The following RGS3 variants were observed in gnomAD, a reference collection of about 807,000 sequenced individuals.
RGS3 encodes regulator of G protein signaling 3.
In RGS3, 80 loss-of-function variants were observed where a neutral mutation model predicts 132.6. The observed-to-expected ratio is 0.60, with a 90% CI of 0.50 to 0.73. The LOEUF is 0.73. Ranked by LOEUF, RGS3 falls within the 30% of genes least tolerant of loss-of-function variation. The pLI is 0.00. For missense variants in RGS3, 1,382 were observed against 1,530.8 expected (o/e 0.90, Z 1.62); for synonymous variants, 598 against 620.6 (o/e 0.96, Z 0.54).
At chr9:113,522,948 T>G (rs757933459) in exon 17 of RGS3, 2 of 1,613,704 alleles carry the variant, frequency 1.2e-6, no homozygotes. Flanking sequence ...GTTTGCCTAT[T>G]CGGACCTGCT....
chr9:113,582,744 G>A (rs1355353501), intron 19 of RGS3: 2 of 152,256 alleles, frequency 1.3e-5, no homozygotes, highest in Non-Finnish European at 2.9e-5. Context: ...GAGATGCTGT[G>A]TTTTTTGAGG....
At chr9:113,538,698 T>G (rs1832782408) in intron 19 of RGS3, among the ~76,000 whole-genome samples, 1 of 152,176 alleles carries the variant, frequency 6.6e-6, no homozygotes, top group Admixed American at 6.5e-5. Flanking sequence ...CACACTAGAA[T>G]GTATGGGAAT....
intron 14 of RGS3, among the ~76,000 whole-genome samples, chr9:113,513,230 G>A (rs1033164458): frequency 4.6e-5 from 7 of 152,136 alleles, no homozygotes; most frequent in Admixed American, 4.6e-4. Context: ...ACAAAAACGT[G>A]TGCACCACCC....
intron 1 of RGS3, among the ~76,000 whole-genome samples, chr9:113,452,836 T>C (rs1162611858): frequency 6.8e-6 from 1 of 147,944 alleles, no homozygotes; most frequent in East Asian, 1.9e-4. Context: ...CCACCTTTTG[T>C]GTTTTTTATC....
At chr9:113,465,256 T>C (rs1275519154) in intron 3 of RGS3, among the ~76,000 whole-genome samples, 3 of 152,166 alleles carry the variant, frequency 2.0e-5, no homozygotes, top group African/African-American at 7.2e-5. Flanking sequence ...ACCTTAGCTG[T>C]GTCCTGATTA....
exon 20 of RGS3, chr9:113,584,179 C>G: frequency 6.2e-7 from 1 of 1,614,218 alleles, no homozygotes; most frequent in Non-Finnish European, 8.5e-7. Context: ...CGAGACGGGC[C>G]AGGGGGCTGA....
chr9:113,445,825 T>C (rs1278822145), intron 1 of RGS3, among the ~76,000 whole-genome samples: 2 of 152,106 alleles, frequency 1.3e-5, no homozygotes, highest in Admixed American at 6.5e-5. Context: ...TTTACAGTCA[T>C]GTGCCACCAA....
chr9:113,502,840 C>T (rs745998889), intron 10 of RGS3, among the ~76,000 whole-genome samples: 6 of 152,208 alleles, frequency 3.9e-5, no homozygotes, highest in Non-Finnish European at 8.8e-5. Context: ...AGCTCTGTTC[C>T]TCTTTAGCTG....
Position 113,455,206 on chromosome 9 carries a change from T to A in RGS3, c.-12-5039T>A, listed in dbSNP as rs542830955. ...GTCCTTCGTTGCCTGATGTACAATATCTTAAAAACCATTGTTTCATATATT... is the reference window on the plus strand; with the variant it reads ...GTCCTTCGTTGCCTGATGTACAATAACTTAAAAACCATTGTTTCATATATT... On this transcript the variant is annotated intron_variant, in intron 1 of 25. Coordinates refer to the RGS3 transcript ENST00000374140. Among the ~76,000 whole-genome samples the A allele has an allele frequency of 2.0e-5, 3 of 152,370 alleles. No homozygotes were observed. In the South Asian group the frequency reaches 6.2e-4, roughly 32 times the overall value.
At position 113,591,374 on chromosome 9, in the gene RGS3, C is replaced by G; in HGVS notation, c.3057C>G (p.Ser1019=). 22 of 1,613,672 alleles carry G rather than the reference C, an allele frequency of 1.4e-5. No individual in the cohort carries two copies. Among genetic ancestry groups the G allele is most frequent in the Non-Finnish European group, 1.8e-5 (21 of 1,179,962 alleles). Residue 1019 remains serine, a synonymous_variant, in exon 21 of 25, where the codon TCC becomes TCG. Coordinates refer to ENST00000350696, the Ensembl canonical transcript of RGS3. This position sits in a 1 kb window ranked among gnomAD's most constrained non-coding sequence, Gnocchi z 4.4. ...CCGTTGGGGATGATGACGAAGCCTC[C>G]CGGAAGAGAAAGAGCAAAAACCTGT...
intron 7 of RGS3, among the ~76,000 whole-genome samples, chr9:113,486,797 C>T (rs1026967657): frequency 4.6e-5 from 7 of 152,136 alleles, no homozygotes; most frequent in African/African-American, 7.2e-5. Flanking sequence ...TTTTTAAAAT[C>T]GGGGTGTATT....
intron 3 of RGS3, among the ~76,000 whole-genome samples, chr9:113,468,337 C>G (rs149178275): frequency 1.3e-5 from 2 of 152,248 alleles, no homozygotes; most frequent in African/African-American, 4.8e-5. Context: ...ATCTTGGTAC[C>G]TTTACTGAAA....
chr9:113,455,197 TG>T (rs1400274264), intron 1 of RGS3, among the ~76,000 whole-genome samples: 1 of 152,266 alleles, frequency 6.6e-6, no homozygotes, highest in Non-Finnish European at 1.5e-5. Flanking sequence ...CGTTGCCTGA[TG>T]TACAATATCT....
At chr9:113,584,095 G>A (rs968399323) in exon 20 of RGS3, 3 of 1,614,110 alleles carry the variant, frequency 1.9e-6, no homozygotes, top group African/African-American at 2.7e-5. Context: ...GGAGGAAGGG[G>A]AGGAGGACGA....
chr9:113,477,097 G>A (rs1183663325), intron 3 of RGS3, among the ~76,000 whole-genome samples: 1 of 152,096 alleles, frequency 6.6e-6, no homozygotes, highest in Admixed American at 6.6e-5. Context: ...GCTCTAGGAA[G>A]CCACAATGAA....
chr9:113,535,021 A>G (rs1391752005), intron 18 of RGS3, among the ~76,000 whole-genome samples: 1 of 152,210 alleles, frequency 6.6e-6, no homozygotes, highest in Non-Finnish European at 1.5e-5. Flanking sequence ...GTTTATTTGT[A>G]TAAATAACAA....
In RGS3 at chr9:113,537,287, G is replaced by A. The variant is rs541549884; in HGVS notation, c.2037+369G>A. Reference sequence around the variant, plus strand: ...CTGTGCCTGGGGGCAGCACACTGGTGTTTAACATTGGCCCCAGGCGGATGC... The same window carrying A: ...CTGTGCCTGGGGGCAGCACACTGGTATTTAACATTGGCCCCAGGCGGATGC... On this transcript the variant is annotated intron_variant, in intron 19 of 24. Coordinates refer to ENST00000350696, the Ensembl canonical transcript of RGS3. The surrounding 1 kb of genome is among the most constrained non-coding windows in gnomAD (Gnocchi z 4.3). Among the ~76,000 whole-genome samples the A allele has an allele frequency of 6.6e-6, 1 of 152,352 alleles. No individual in the cohort carries two copies. The highest frequency in any genetic ancestry group is 1.5e-5 in the Non-Finnish European group (1 of 68,040).
In RGS3 at chr9:113,495,677, A is replaced by C. The variant is rs1564484871; in HGVS notation, c.690-109A>C. 5 of 859,922 alleles carry C rather than the reference A, an allele frequency of 5.8e-6. No homozygotes were observed. The East Asian group carries it at 1.2e-4, about 21-fold the overall frequency. The allele number at this position is 859,922 out of a possible 1,614,324, so 53.3% of individuals were successfully genotyped here. The stretch of plus-strand genomic sequence containing the variant: ...ATCAAACGAGATGATGTGGGTAAAA[A>C]GCTTTGTAAACCACAGTGCATCAGG... On this transcript the variant is annotated intron_variant, in intron 7 of 24. Coordinates refer to ENST00000350696, the Ensembl canonical transcript of RGS3.
chr9:113,451,101 C>T (rs1175470167), intron 1 of RGS3, among the ~76,000 whole-genome samples: 1 of 151,482 alleles, frequency 6.6e-6, no homozygotes, highest in Non-Finnish European at 1.5e-5. Context: ...TTGCTTGAAC[C>T]TGGGAGGCGG....
Sources: allele counts gnomAD v4.1 joint callset (sites outside exome capture counted in the v4.1 genomes callset), GRCh38; gene constraint gnomAD v4.1.1; non-coding constraint Gnocchi (gnomAD v3.1); transcripts MANE v1.5; gene names NCBI Gene and HGNC (gene_info 2026-07-23, HGNC 2026-07-21).